Variants in ITSN2 observed in about 807,000 individuals in gnomAD.
ITSN2 encodes the protein intersectin-2.
ITSN2 carries 156 observed loss-of-function variants against 243.7 expected under a neutral mutation model. The ratio of observed to expected loss-of-function variants is 0.64; its 90% CI spans 0.56 to 0.73. The LOEUF is 0.73. ITSN2 is among the 30% of genes least tolerant of loss of function. The pLI, the probability that ITSN2 is intolerant of heterozygous loss-of-function variation, is 0.00. For synonymous variants in ITSN2, 703 were observed against 699.9 expected, an observed-to-expected ratio of 1.00 and a Z score of -0.07; for missense variants, 1,801 against 1,996.1, an observed-to-expected ratio of 0.90 and a Z score of 1.86.
chr2:24,252,654 A>G (rs935966713), intron 24 of ITSN2, 143 bp from the exon 25 acceptor site: 6 of 449,598 alleles, frequency 1.3e-5, no homozygotes, highest in Non-Finnish European at 2.3e-5. Flanking sequence ...AAAAAGATCT[A>G]AAGGTAGAAA....
intron 2 of ITSN2, among the ~76,000 whole-genome samples, chr2:24,316,240 A>C (rs1275638260): frequency 6.6e-6 from 1 of 152,126 alleles, no homozygotes; most frequent in Non-Finnish European, 1.5e-5. Context: ...ATACCCTGGA[A>C]GTTATAGAGA....
At chr2:24,210,086 G>T in intron 34 of ITSN2, 53 bp from the exon 35 acceptor site, 1 of 1,341,614 alleles carries the variant, frequency 7.5e-7, no homozygotes, top group Non-Finnish European at 1.1e-6. Context: ...ACCATCCAGT[G>T]CCCCTGAGAG....
chr2:24,265,459 C>G (rs1170660159), intron 20 of ITSN2, among the ~76,000 whole-genome samples: 1 of 152,154 alleles, frequency 6.6e-6, no homozygotes, highest in Non-Finnish European at 1.5e-5. Context: ...TGCAACCTTG[C>G]TAAACTCATT....
chr2:24,219,438 C>T (rs1469510137), intron 30 of ITSN2, among the ~76,000 whole-genome samples: 6 of 152,196 alleles, frequency 3.9e-5, no homozygotes, highest in South Asian at 2.1e-4. Context: ...CCTGGAAAGA[C>T]GGCCGGCCTG....
At chr2:24,205,369 T>TAAC in intron 37 of ITSN2, 72 bp from the exon 38 acceptor site, 1 of 1,282,734 alleles carries the variant, frequency 7.8e-7, no homozygotes, top group Non-Finnish European at 1.1e-6. Context: ...AAACCAACCA[T>TAAC]AACACTACCG....
chr2:24,236,419 G>C (rs1672156919), intron 29 of ITSN2, among the ~76,000 whole-genome samples: 1 of 152,182 alleles, frequency 6.6e-6, no homozygotes, highest in African/African-American at 2.4e-5. Flanking sequence ...TGTCTTATAA[G>C]TGACTGTGGA....
chr2:24,302,352 C>A (rs1057036929), intron 9 of ITSN2, among the ~76,000 whole-genome samples: 54 of 152,156 alleles, frequency 3.5e-4, no homozygotes, highest in Admixed American at 3.5e-3. Context: ...GCGCCCGCCA[C>A]CACGCCTGGC....
At chr2:24,228,619 G>T (rs1671276567) in intron 29 of ITSN2, among the ~76,000 whole-genome samples, 1 of 152,138 alleles carries the variant, frequency 6.6e-6, no homozygotes, top group Admixed American at 6.6e-5. Context: ...AAACAGGTAT[G>T]TTAAAAATGG....
intron 27 of ITSN2, among the ~76,000 whole-genome samples, chr2:24,248,157 T>C (rs1408924057): frequency 1.3e-5 from 2 of 151,760 alleles, no homozygotes; most frequent in African/African-American, 2.4e-5. Flanking sequence ...ATTAACGTTT[T>C]AGGGAAAAAA....
At chr2:24,312,024 A>G (rs1683316492) in intron 5 of ITSN2, among the ~76,000 whole-genome samples, 188 bp downstream of exon 5, 2 of 152,232 alleles carry the variant, frequency 1.3e-5, no homozygotes, top group Non-Finnish European at 2.9e-5. Flanking sequence ...AACTGTCCCT[A>G]GAAAACCAGA....
intron 23 of ITSN2, among the ~76,000 whole-genome samples, chr2:24,254,802 T>G (rs1351403692): frequency 2.0e-5 from 3 of 152,244 alleles, no homozygotes; most frequent in African/African-American, 7.2e-5. Flanking sequence ...TACATTTTAT[T>G]ATTTGTTTAG....
At chr2:24,250,509 G>C (rs989080455) in intron 25 of ITSN2, among the ~76,000 whole-genome samples, 1 of 152,208 alleles carries the variant, frequency 6.6e-6, no homozygotes, top group East Asian at 1.9e-4. Flanking sequence ...GTAATGAAAT[G>C]TGTCCACACA....
chr2:24,271,532 A>G (rs1677345949), intron 19 of ITSN2, among the ~76,000 whole-genome samples: 1 of 152,210 alleles, frequency 6.6e-6, no homozygotes, highest in Non-Finnish European at 1.5e-5. Context: ...TCTTTTCACA[A>G]TCAGTAGTAA....
intron 37 of ITSN2, among the ~76,000 whole-genome samples, chr2:24,205,990 T>C (rs72793980): frequency 0.24 from 36,161 of 151,988 alleles, 4,715 homozygotes; most frequent in Non-Finnish European, 0.3. Flanking sequence ...AAGTCCAGGC[T>C]CAGTTAAGCC....
At chr2:24,358,456 T>C (rs1486653739) in intron 1 of ITSN2, among the ~76,000 whole-genome samples, 1 of 152,206 alleles carries the variant, frequency 6.6e-6, no homozygotes, top group African/African-American at 2.4e-5. Flanking sequence ...AACATGCAGT[T>C]ACGTGCTCGA....
At chr2:24,259,186 A>C (rs1218870216) in intron 22 of ITSN2, among the ~76,000 whole-genome samples, 1 of 152,208 alleles carries the variant, frequency 6.6e-6, no homozygotes, top group Non-Finnish European at 1.5e-5. Flanking sequence ...ACCAAAGACA[A>C]GGATACTACT....
At chr2:24,293,150 T>A (rs1379874508) in intron 15 of ITSN2, 1 of 152,214 alleles carries the variant, frequency 6.6e-6, no homozygotes, top group East Asian at 1.9e-4. Flanking sequence ...CCATAAATTA[T>A]CCTGGAATGT....
At chr2:24,337,481 G>A (rs1447642105) in intron 1 of ITSN2, among the ~76,000 whole-genome samples, 7 of 148,496 alleles carry the variant, frequency 4.7e-5, no homozygotes, top group African/African-American at 1.7e-4. Context: ...CTCCCAAGTA[G>A]CTGGGATTAC....
intron 20 of ITSN2, among the ~76,000 whole-genome samples, chr2:24,270,444 GAC>G (rs2151452540): frequency 6.6e-6 from 1 of 152,286 alleles, no homozygotes; most frequent in South Asian, 2.1e-4. Flanking sequence ...CTGCAATGCT[GAC>G]AGTTACAACT....
Sources: allele counts gnomAD v4.1 joint callset (sites outside exome capture counted in the v4.1 genomes callset), GRCh38; gene constraint gnomAD v4.1.1; transcripts MANE v1.5; gene names NCBI Gene and HGNC (gene_info 2026-07-23, HGNC 2026-07-21).